The following NBPF15 variants were observed in gnomAD, a reference collection of about 807,000 sequenced individuals.
NBPF15 encodes NBPF member 15.
Under a neutral mutation model 62.2 loss-of-function variants are expected in NBPF15, and 74 were observed. The observed-to-expected ratio is 1.19, with a 90% CI of 0.99 to 1.44. NBPF15 has a LOEUF of 1.44. NBPF15 is among the 40% of genes most tolerant of loss of function. The pLI, the probability that NBPF15 is intolerant of heterozygous loss-of-function variation, is 0.00. For missense variants in NBPF15, 790 were observed against 550.0 expected (o/e 1.44, Z -4.36); for synonymous variants, 244 against 209.7 (o/e 1.16, Z -1.41).
At chr1:144,435,085 T>C (rs7539274) in intron 12 of NBPF15, 26 bp downstream of exon 12, 47,880 of 1,611,976 alleles carry the variant, frequency 0.03, 3,349 homozygotes, top group African/African-American at 0.24. Context: ...GAGAGAGGTA[T>C]GAGACACAAG....
chr1:144,428,890 G>T (rs1455129181), intron 14 of NBPF15, among the ~76,000 whole-genome samples: 1 of 151,938 alleles, frequency 6.6e-6, no homozygotes, highest in Non-Finnish European at 1.5e-5. Flanking sequence ...TTCCCTATGT[G>T]CTCTGTCCTA....
intron 6 of NBPF15, among the ~76,000 whole-genome samples, chr1:144,445,127 T>A (rs1444900526): frequency 5.1e-4 from 78 of 151,574 alleles, no homozygotes; most frequent in African/African-American, 1.8e-3. Context: ...GTGGAGCATC[T>A]TTTCCTATGC....
At chr1:144,455,679 C>T (rs587678139) in intron 4 of NBPF15, among the ~76,000 whole-genome samples, 1 of 151,960 alleles carries the variant, frequency 6.6e-6, no homozygotes, top group Non-Finnish European at 1.5e-5. Context: ...TCTCACTGGA[C>T]TTCCCTCCTT....
intron 6 of NBPF15, among the ~76,000 whole-genome samples, chr1:144,445,853 CTTTTTT>C (rs1229682742): frequency 1.9e-5 from 2 of 105,408 alleles, no homozygotes; most frequent in Admixed American, 2.0e-4. Context: ...GTTGACTTTC[CTTTTTT>C]TTTTTTTTTT....
chr1:144,440,117 A>C lies in NBPF15; in HGVS notation c.-36+24T>G, dbSNP rs1323611246. 792 of 1,579,730 alleles carry C rather than the reference A, an allele frequency of 5.0e-4. 14 individuals are homozygous for C. The South Asian group carries it at 6.5e-3, about 13-fold the overall frequency. ...AGGTTTAATCAGGACTGAGGGATGT[A>C]AGTAACTGAAATTCTTAACTTACTG... On this transcript the variant is annotated intron_variant, in intron 7 of 21. Coordinates refer to ENST00000581897, the MANE Select transcript of NBPF15 (RefSeq NM_001385408.1).
intron 8 of NBPF15, among the ~76,000 whole-genome samples, chr1:144,438,435 A>G (rs1680303491): frequency 6.6e-6 from 1 of 151,984 alleles, no homozygotes; most frequent in African/African-American, 2.4e-5. Context: ...GAAGGCCCCT[A>G]GGACTATGGG....
At chr1:144,451,242 T>C (rs1690909891) in intron 4 of NBPF15, among the ~76,000 whole-genome samples, 1 of 151,890 alleles carries the variant, frequency 6.6e-6, no homozygotes, top group Non-Finnish European at 1.5e-5. Flanking sequence ...CTCAATGCCT[T>C]AAAGAGCAGT....
intron 14 of NBPF15, among the ~76,000 whole-genome samples, chr1:144,429,110 C>T (rs1414323034): frequency 2.0e-5 from 3 of 151,868 alleles, no homozygotes; most frequent in Admixed American, 1.3e-4. Flanking sequence ...TACACAGAAG[C>T]ATCAGCTATT....
rs782143504 is a variant in NBPF15 at position 144,423,210 on chromosome 1, C to A, written c.1816G>T (p.Asp606Tyr). The change falls in exon 22 of 22, where the codon GAC becomes TAC. Residue 606 changes from aspartate to tyrosine, a missense_variant. By Grantham distance (160) the Asp-to-Tyr change is radical. Transcript: ENST00000581897. ...MEVEEPEVLQ[D>Y]SLDRCYSTPS... ...GTCGAATAACATCTATCCAGTGAGT[C>A]CTGTAAGACTTCAGGCTCTTCCACT... 3 of 1,611,410 alleles carry A rather than the reference C, an allele frequency of 1.9e-6. No homozygotes were observed. The highest frequency in any genetic ancestry group is 2.2e-5 in the East Asian group (1 of 44,876).
At chr1:144,449,675 G>A (rs1553545028) in intron 5 of NBPF15, among the ~76,000 whole-genome samples, 1 of 151,866 alleles carries the variant, frequency 6.6e-6, no homozygotes, top group Non-Finnish European at 1.5e-5. Context: ...TCAGTCCCAG[G>A]CTGTGGATCC....
rs782540500 is a variant in NBPF15 at position 144,423,073 on chromosome 1, A to G, written c.1953T>C (p.Phe651=). 2.2e-5 allele frequency: 35 copies of G among 1,611,538 alleles called. No homozygotes were observed. Among genetic ancestry groups the G allele is most frequent in the Admixed American group, 3.3e-5 (2 of 59,956 alleles). The change falls in exon 22 of 22, where the codon TTT becomes TTC. Residue 651 remains phenylalanine (F), a synonymous_variant. Transcript: ENST00000581897. ...GGTGGAGACTTGTCACCGTCAAAGT[A>G]AAAAACCTATTGTCCACGTAAAGGG... The part of the protein sequence containing the change: ...SFALYVDNRF[F]TLTVTSLHLV...
rs1171557606 is a variant in NBPF15 at position 144,422,836 on chromosome 1, T to C, written c.*177A>G. On this transcript the variant is annotated 3_prime_UTR_variant, in exon 22 of 22. Coordinates refer to ENST00000581897, the MANE Select transcript of NBPF15 (RefSeq NM_001385408.1). ...ACGTGTCACACCTAACATGGGTCCA[T>C]TGTCTTCAGATTGAGCACAGGTTGC... 8 of 1,497,448 alleles carry C rather than the reference T, an allele frequency of 5.3e-6. No individual in the cohort carries two copies. The highest frequency in any genetic ancestry group is 3.8e-5 in the Admixed American group (2 of 52,952). The allele number at this position is 1,497,448 out of a possible 1,614,324, so 92.8% of individuals were successfully genotyped here.
intron 6 of NBPF15, among the ~76,000 whole-genome samples, chr1:144,442,220 T>C (rs1389546371): frequency 8.9e-6 from 1 of 112,140 alleles, no homozygotes; most frequent in Non-Finnish European, 1.7e-5. Flanking sequence ...ATATATATAA[T>C]ATATATATTA....
intron 20 of NBPF15, 118 bp from the exon 21 acceptor site, chr1:144,424,093 A>C (rs880000693): frequency 1.3e-6 from 1 of 750,432 alleles, no homozygotes; most frequent in African/African-American, 1.7e-5. Context: ...ATACGACACC[A>C]TGAGAGATAT....
rs1407971630 is a variant in NBPF15, at chr1:144,456,773, C to T, written c.-668G>A. ...GAGCCTGGGTCACCAGGAACCTTCG[C>T]CTGCATCTAAACAGGATTTGCTTTC... On this transcript the variant is annotated 5_prime_UTR_variant, in exon 4 of 22. Transcript: ENST00000581897. The T allele has an allele frequency of 6.5e-6, 5 of 765,122 alleles. No homozygotes were observed. The highest frequency in any genetic ancestry group is 1.9e-5 in the African/African-American group (1 of 52,786). 47.4% of individuals were successfully genotyped at this position (765,122 alleles called of 1,614,324 possible). A position where few individuals can be genotyped will look rare whatever the true frequency, so the allele number is the denominator to read the frequency against.
At chr1:144,435,081 G>T in intron 12 of NBPF15, 30 bp downstream of exon 12, 1 of 1,611,958 alleles carries the variant, frequency 6.2e-7, no homozygotes, top group Non-Finnish European at 8.5e-7. Flanking sequence ...CCTAGAGAGA[G>T]GTATGAGACA....
At chr1:144,443,216 G>T (rs1553543238) in intron 6 of NBPF15, among the ~76,000 whole-genome samples, 2 of 151,464 alleles carry the variant, frequency 1.3e-5, no homozygotes, top group Non-Finnish European at 2.9e-5. Context: ...TTGTTTTGAT[G>T]GATTTTTTAT....
intron 6 of NBPF15, among the ~76,000 whole-genome samples, chr1:144,444,752 G>T (rs1224570320): frequency 6.6e-6 from 1 of 151,834 alleles, no homozygotes; most frequent in African/African-American, 2.4e-5. Flanking sequence ...CCTGTAACCA[G>T]TTGCAGAAGT....
Position 144,422,852 on chromosome 1 carries a change from C to A in NBPF15, c.*161G>T. On this transcript the variant is annotated 3_prime_UTR_variant, in exon 22 of 22. Transcript: ENST00000581897. The stretch of plus-strand genomic sequence containing the variant: ...ATGGGTCCATTGTCTTCAGATTGAG[C>A]ACAGGTTGCCAATGGCATGGTTTGA... 6 of 1,550,598 alleles carry A rather than the reference C, an allele frequency of 3.9e-6. No homozygotes were observed. Among genetic ancestry groups the A allele is most frequent in the South Asian group, 1.2e-5 (1 of 80,752 alleles).
Sources: allele counts gnomAD v4.1 joint callset (sites outside exome capture counted in the v4.1 genomes callset), GRCh38; gene constraint gnomAD v4.1.1; transcripts MANE v1.5; gene names NCBI Gene and HGNC (gene_info 2026-07-23, HGNC 2026-07-21).